PTPRJ: variants seen among roughly 807,000 people sequenced by gnomAD.
PTPRJ encodes the protein receptor-type tyrosine-protein phosphatase eta.
PTPRJ carries 129 observed loss-of-function variants against 141.3 expected under a neutral mutation model. The observed-to-expected ratio is 0.91, with a 90% CI of 0.79 to 1.06. PTPRJ has a LOEUF of 1.06. PTPRJ is among the 50% of genes least tolerant of loss of function. PTPRJ has a pLI of 0.00. For synonymous variants in PTPRJ, 610 were observed against 640.5 expected (o/e 0.95, Z 0.72); for missense variants, 1,601 against 1,679.7 (o/e 0.95, Z 0.82).
At chr11:48,020,201 C>T (rs1855076871) in intron 1 of PTPRJ, among the ~76,000 whole-genome samples, 1 of 152,132 alleles carries the variant, frequency 6.6e-6, no homozygotes, top group African/African-American at 2.4e-5. Context: ...TAGTGGCGAT[C>T]CAAAGACATT....
chr11:48,133,042 A>G (rs1857016238), intron 8 of PTPRJ, among the ~76,000 whole-genome samples: 2 of 152,230 alleles, frequency 1.3e-5, no homozygotes, highest in Non-Finnish European at 2.9e-5. Flanking sequence ...AACTTACTGT[A>G]ACAATAATAT....
intron 1 of PTPRJ, among the ~76,000 whole-genome samples, chr11:48,028,050 T>A (rs1853871896): frequency 6.6e-6 from 1 of 152,140 alleles, no homozygotes; most frequent in African/African-American, 2.4e-5. Context: ...TAGTATTTCT[T>A]CCCAGTTGCA....
At chr11:48,130,422 T>C in intron 7 of PTPRJ, 37 bp from the exon 8 acceptor site, 1 of 1,575,430 alleles carries the variant, frequency 6.3e-7, no homozygotes, top group Non-Finnish European at 8.6e-7. Context: ...CCTGGAGAAG[T>C]ATATTTTTAA....
intron 1 of PTPRJ, among the ~76,000 whole-genome samples, chr11:48,005,221 TA>T (rs532611588): frequency 3.7e-3 from 522 of 141,316 alleles, no homozygotes; most frequent in Middle Eastern, 7.1e-3. Context: ...GACTCTATCT[TA>T]AAAAAAAAAA....
At chr11:48,100,310 A>T (rs933897347) in intron 1 of PTPRJ, among the ~76,000 whole-genome samples, 1 of 152,060 alleles carries the variant, frequency 6.6e-6, no homozygotes, top group Non-Finnish European at 1.5e-5. Context: ...GCCCTGCTTT[A>T]TCCTAGTGAG....
intron 1 of PTPRJ, among the ~76,000 whole-genome samples, chr11:48,039,660 T>G (rs1292515860): frequency 1.3e-5 from 2 of 152,222 alleles, no homozygotes; most frequent in East Asian, 1.9e-4. Flanking sequence ...CTGGACATGG[T>G]CTCTGTGGGT....
chr11:48,032,658 C>T (rs1854013235), intron 1 of PTPRJ, among the ~76,000 whole-genome samples: 1 of 152,194 alleles, frequency 6.6e-6, no homozygotes, highest in Non-Finnish European at 1.5e-5. Flanking sequence ...ACTCGGGAGG[C>T]TGAAGCAGGA....
rs577150692 is a variant in PTPRJ at position 47,985,943 on chromosome 11, C to T, written c.96+4935C>T. 7.2e-5 allele frequency among the ~76,000 whole-genome samples: 11 copies of T among 151,994 alleles called. No individual in the cohort carries two copies. In the South Asian group the frequency reaches 2.1e-3, roughly 29 times the overall value. On this transcript the variant is annotated intron_variant, in intron 1 of 24. Coordinates refer to ENST00000418331, the MANE Select transcript of PTPRJ (RefSeq NM_002843.4). ...CTTGAACTCCCAACCTCAGGTGATC[C>T]GCCCACCTCGGCCTCCCAAAGTGCT...
chr11:48,055,631 G>A (rs539461037), intron 1 of PTPRJ, among the ~76,000 whole-genome samples: 1 of 152,280 alleles, frequency 6.6e-6, no homozygotes, highest in South Asian at 2.1e-4. Context: ...TAGCTTCCAA[G>A]GCATACTGAC....
At position 48,077,054 on chromosome 11, in the gene PTPRJ, C is replaced by T. The variant is rs548247574; in HGVS notation, c.97-33004C>T. 3.9e-5 allele frequency among the ~76,000 whole-genome samples: 6 copies of T among 152,082 alleles called. No individual in the cohort carries two copies. The East Asian group carries it at 7.7e-4, about 20-fold the overall frequency. On this transcript the variant is annotated intron_variant, in intron 1 of 24. Coordinates refer to ENST00000418331, the MANE Select transcript of PTPRJ (RefSeq NM_002843.4). ...GGCTAATTTTGTATTTTAGTAGAGA[C>T]GGGGTTTCTCCATGTTGGTCAGGCT...
chr11:48,056,895 A>G (rs1854767423), intron 1 of PTPRJ, among the ~76,000 whole-genome samples: 1 of 152,272 alleles, frequency 6.6e-6, no homozygotes, highest in Non-Finnish European at 1.5e-5. Flanking sequence ...AGGAGGTTGC[A>G]GTGAGCCGAG....
chr11:48,015,261 G>A (rs2134205957), intron 1 of PTPRJ, among the ~76,000 whole-genome samples: 1 of 152,092 alleles, frequency 6.6e-6, no homozygotes, highest in East Asian at 1.9e-4. Flanking sequence ...TATTTCTCTG[G>A]AACAACTGGT....
intron 1 of PTPRJ, among the ~76,000 whole-genome samples, chr11:48,054,881 G>A (rs190551644): frequency 8.5e-4 from 129 of 151,608 alleles, no homozygotes; most frequent in African/African-American, 2.9e-3. Flanking sequence ...GTAACTGAAG[G>A]GGGGTATATA....
intron 1 of PTPRJ, among the ~76,000 whole-genome samples, chr11:48,068,728 G>A (rs1855150665): frequency 6.6e-6 from 1 of 152,232 alleles, no homozygotes; most frequent in Admixed American, 6.5e-5. Flanking sequence ...GGAACACAGA[G>A]CCAGGATGGT....
chr11:48,093,565 A>G (rs1037355339), intron 1 of PTPRJ, among the ~76,000 whole-genome samples: 2 of 152,178 alleles, frequency 1.3e-5, no homozygotes, highest in African/African-American at 2.4e-5. Flanking sequence ...ACTTTTATTG[A>G]TCGTGTACAA....
chr11:48,012,008 G>T (rs1319229831), intron 1 of PTPRJ, among the ~76,000 whole-genome samples: 1 of 152,120 alleles, frequency 6.6e-6, no homozygotes. Context: ...ACTGAAGGAA[G>T]ATTTAGATCT....
chr11:48,050,758 A>T (rs1003017341), intron 1 of PTPRJ, among the ~76,000 whole-genome samples: 1 of 152,184 alleles, frequency 6.6e-6, no homozygotes, highest in South Asian at 2.1e-4. Flanking sequence ...ACTCTGTTGC[A>T]TGGATTCTGT....
At chr11:47,986,409 T>C (rs532132340) in intron 1 of PTPRJ, among the ~76,000 whole-genome samples, 2 of 152,354 alleles carry the variant, frequency 1.3e-5, no homozygotes, top group East Asian at 3.9e-4. Context: ...TCAAATAAGA[T>C]AGAAAAGGAA....
At chr11:48,047,504 T>G (rs1372693772) in intron 1 of PTPRJ, among the ~76,000 whole-genome samples, 1 of 151,716 alleles carries the variant, frequency 6.6e-6, no homozygotes, top group African/African-American at 2.4e-5. Context: ...GGTAATTTTT[T>G]TTTTTTTTCT....
Sources: gnomAD v4.1 joint callset for allele counts (sites outside exome capture counted in the v4.1 genomes callset) on GRCh38, gnomAD v4.1.1 for gene constraint, MANE v1.5 for transcripts, NCBI Gene and HGNC (gene_info 2026-07-23, HGNC 2026-07-21) for gene names.